Variants in BCL3 observed in about 807,000 individuals in gnomAD.
BCL3 encodes the protein BCL3 transcription coactivator.
A neutral mutation model predicts 35.7 loss-of-function variants in BCL3; 15 were observed. The ratio of observed to expected loss-of-function variants is 0.42; its 90% CI spans 0.28 to 0.65. The LOEUF is 0.65. Ranked by LOEUF, BCL3 falls within the 30% of genes least tolerant of loss-of-function variation. BCL3 has a pLI of 0.22. For missense variants in BCL3, 565 were observed against 641.7 expected, an observed-to-expected ratio of 0.88 and a Z score of 1.29; for synonymous variants, 311 against 284.3, an observed-to-expected ratio of 1.09 and a Z score of -0.95.
intron 2 of BCL3, among the ~76,000 whole-genome samples, chr19:44,753,431 C>T (rs1967219310): frequency 6.6e-6 from 1 of 152,220 alleles, no homozygotes. Context: ...AACACTTCTG[C>T]CTCAGCTGCC....
At chr19:44,756,368 T>G in intron 3 of BCL3, 28 bp downstream of exon 3, 1 of 1,368,654 alleles carries the variant, frequency 7.3e-7, no homozygotes, top group South Asian at 1.7e-5. Flanking sequence ...GGAGGAGGGC[T>G]GGGGCCTGGA....
intron 2 of BCL3, among the ~76,000 whole-genome samples, chr19:44,752,260 G>A (rs1183533061): frequency 6.6e-6 from 1 of 150,682 alleles, no homozygotes; most frequent in East Asian, 1.9e-4. Context: ...GAGTGCAGTG[G>A]TGCAATCATA....
At chr19:44,753,203 G>A (rs1049541879) in intron 2 of BCL3, among the ~76,000 whole-genome samples, 15 of 152,314 alleles carry the variant, frequency 9.8e-5, no homozygotes, top group Admixed American at 7.2e-4. Context: ...GGAGAAAGTG[G>A]CCTAGATTAT....
chr19:44,758,147 G>C, intron 6 of BCL3, 99 bp from the exon 7 acceptor site: 1 of 1,260,676 alleles, frequency 7.9e-7, no homozygotes, highest in Non-Finnish European at 1.0e-6. Flanking sequence ...CCGATCCGGT[G>C]CCGCCCCACG....
At chr19:44,752,896 G>A (rs1967208140) in intron 2 of BCL3, among the ~76,000 whole-genome samples, 1 of 152,146 alleles carries the variant, frequency 6.6e-6, no homozygotes, top group Non-Finnish European at 1.5e-5. Context: ...ATTAGTTTGG[G>A]GCCTGGAAAC....
upstream of BCL3, chr19:44,748,115 A>T (rs1320549811): frequency 5.3e-6 from 7 of 1,317,212 alleles, no homozygotes; most frequent in East Asian, 2.8e-4. Context: ...TGTTTGGCCA[A>T]GGTCACCCAG....
chr19:44,758,135 C>A (rs896820529), intron 6 of BCL3, 111 bp from the exon 7 acceptor site: 3 of 1,174,940 alleles, frequency 2.6e-6, no homozygotes, highest in Non-Finnish European at 3.4e-6. Flanking sequence ...TGTGACCCCA[C>A]CCCGATCCGG....
rs557184365 is a variant in BCL3, at chr19:44,752,534, C to G, written c.410+1154C>G. The stretch of plus-strand genomic sequence containing the variant: ...CAGCTTTACTTTGCCATTTTCTATT[C>G]TAGTCGACTTCATTGTTTCATGGTC... On this transcript the variant is annotated intron_variant, in intron 2 of 8. Coordinates refer to ENST00000164227, the MANE Select transcript of BCL3 (RefSeq NM_005178.5). 5.3e-5 allele frequency among the ~76,000 whole-genome samples: 8 copies of G among 152,156 alleles called. No individual in the cohort carries two copies. In the South Asian group the frequency reaches 1.7e-3, roughly 32 times the overall value.
At chr19:44,754,778 A>G (rs936718223) in intron 2 of BCL3, among the ~76,000 whole-genome samples, 6 of 152,264 alleles carry the variant, frequency 3.9e-5, no homozygotes, top group African/African-American at 1.4e-4. Flanking sequence ...ATTAGGAGTC[A>G]GGTTCAGCGA....
At chr19:44,756,541 G>A (rs1967288001) in intron 3 of BCL3, among the ~76,000 whole-genome samples, 1 of 142,714 alleles carries the variant, frequency 7.0e-6, no homozygotes, top group African/African-American at 2.8e-5. Context: ...TCTGATGGAG[G>A]AGGGCTGGGT....
intron 2 of BCL3, among the ~76,000 whole-genome samples, chr19:44,752,039 A>G (rs1453486201): frequency 2.0e-5 from 3 of 151,420 alleles, no homozygotes; most frequent in Non-Finnish European, 4.4e-5. Context: ...ATGTTGAGTA[A>G]GTGTTTGTTA....
intron 2 of BCL3, among the ~76,000 whole-genome samples, chr19:44,754,832 A>G (rs1967251548): frequency 6.6e-6 from 1 of 152,242 alleles, no homozygotes; most frequent in Admixed American, 6.5e-5. Context: ...GCTGTACTTT[A>G]CATAAGAGAA....
chr19:44,759,971 G>T lies in BCL3; in HGVS notation c.*356G>T. The T allele has an allele frequency of 3.4e-6, 1 of 292,426 alleles. No individual in the cohort carries two copies. The allele number at this position is 292,426 out of a possible 1,614,324, so 18.1% of individuals were successfully genotyped here. Reference sequence around the variant, plus strand: ...GAGGAGGGGAGAGGTGGGCCGTAACGGGCACGGATCACGATGTAAATTATT... The same window carrying T: ...GAGGAGGGGAGAGGTGGGCCGTAACTGGCACGGATCACGATGTAAATTATT... On this transcript the variant is annotated 3_prime_UTR_variant, in exon 9 of 9. Coordinates refer to ENST00000164227, the MANE Select transcript of BCL3 (RefSeq NM_005178.5).
Position 44,757,849 on chromosome 19 carries a change from C to T in BCL3, c.891+126C>T, listed in dbSNP as rs896935666. Reference sequence around the variant, plus strand: ...TCCGGCTCCTGCTCCGCGTCCAGCTCTGATCCTTTAAGGCCTAGTTTTCTC... The same window carrying T: ...TCCGGCTCCTGCTCCGCGTCCAGCTTTGATCCTTTAAGGCCTAGTTTTCTC... On this transcript the variant is annotated intron_variant, in intron 6 of 8. Transcript: ENST00000164227. The surrounding 1 kb of genome is among the most constrained non-coding windows in gnomAD (Gnocchi z 8.4). 1.1e-5 allele frequency: 10 copies of T among 929,838 alleles called. 1 individual carries two copies. In the Middle Eastern group the frequency reaches 9.9e-4, roughly 92 times the overall value. The allele number at this position is 929,838 out of a possible 1,614,324, so 57.6% of individuals were successfully genotyped here. A position where few individuals can be genotyped will look rare whatever the true frequency, so the allele number is the denominator to read the frequency against.
intron 2 of BCL3, among the ~76,000 whole-genome samples, chr19:44,754,413 A>G (rs1001286834): frequency 5.3e-5 from 8 of 152,076 alleles, no homozygotes; most frequent in Non-Finnish European, 1.0e-4. Context: ...CGAGGATGGA[A>G]GTTGGGGTGC....
At position 44,751,391 on chromosome 19, in the gene BCL3, G is replaced by C; in HGVS notation, c.410+11G>C. On this transcript the variant is annotated intron_variant, in intron 2 of 8. Coordinates refer to ENST00000164227, the MANE Select transcript of BCL3 (RefSeq NM_005178.5). ...TGAGGACGGAGACACGTGAGTGACA[G>C]TCCCCTATTAAGGGGAGGGGTGGTT... is the stretch of plus-strand genomic sequence containing the variant. 6.4e-7 allele frequency: 1 copy of C among 1,560,976 alleles called. No homozygotes were observed.
chr19:44,759,585 GC>G lies in BCL3; in HGVS notation c.1341del (p.Ser448ProfsTer34). On this transcript the variant is annotated frameshift_variant, in exon 9 of 9. Transcript: ENST00000164227. LOFTEE classifies it high-confidence loss of function. ...TCCTCCGAGGCCCTGGCCGGCCGGT[GC>G]CCCCCTCCCCAGCTCCAGGAGGCAG... ...GVLRGPGRPV[P>X]PSPAPGGS The G allele has an allele frequency of 2.5e-6, 4 of 1,607,836 alleles. No individual in the cohort carries two copies. Among genetic ancestry groups the G allele is most frequent in the Non-Finnish European group, 8.5e-7 (1 of 1,178,748 alleles).
At chr19:44,751,108 AG>A in intron 1 of BCL3, 118 bp from the exon 2 acceptor site, 4 of 1,325,594 alleles carry the variant, frequency 3.0e-6, no homozygotes, top group Non-Finnish European at 4.1e-6. Flanking sequence ...GGGATGCAAA[AG>A]GGACCCAGGA....
chr19:44,757,149 C>G lies in BCL3; in HGVS notation c.652C>G (p.Pro218Ala). 6.3e-7 allele frequency: 1 copy of G among 1,590,646 alleles called. No individual in the cohort carries two copies. Among genetic ancestry groups the G allele is most frequent in the East Asian group, 2.3e-5 (1 of 43,138 alleles). The change falls in exon 4 of 9, where the codon CCG (proline) becomes GCG (alanine). Residue 218 changes from proline (P) to alanine (A), a missense_variant. By Grantham distance (27) the Pro-to-Ala change is conservative (BLOSUM62 -1). Around this residue, in one of 5 missense-constraint regions of BCL3, gnomAD observed 103 missense variants for 106.7 expected, o/e 0.97. Coordinates refer to ENST00000164227, the MANE Select transcript of BCL3 (RefSeq NM_005178.5). The surrounding 1 kb of genome is among the most constrained non-coding windows in gnomAD (Gnocchi z 8.4). ...TCACCTGGCGTGCGAGCACCGCAGC[C>G]CGACCTGCCTGCGAGCCCTGCTGGA... ...AAHLACEHRS[P>A]TCLRALLDSA...
Sources: allele counts gnomAD v4.1 joint callset (sites outside exome capture counted in the v4.1 genomes callset), GRCh38; gene constraint gnomAD v4.1.1; regional missense constraint gnomAD v4.1.1; non-coding constraint Gnocchi (gnomAD v3.1); transcripts MANE v1.5; gene names NCBI Gene and HGNC (gene_info 2026-07-23, HGNC 2026-07-21).